Variants in GPATCH2 observed in about 807,000 individuals in gnomAD.
GPATCH2 encodes G-patch domain containing 2, also known as G patch domain-containing protein 2.
Under a neutral mutation model 58.0 loss-of-function variants are expected in GPATCH2, and 51 were observed. That is an observed-to-expected ratio of 0.88 (90% CI 0.70 to 1.11). The LOEUF (loss-of-function observed/expected upper bound fraction) is 1.11, where lower values mean the gene tolerates loss of function less well. GPATCH2 is among the 50% of genes most tolerant of loss of function. The probability of loss-of-function intolerance (pLI) is 0.00; values close to 1 mark genes in which losing one functional copy is unlikely to be tolerated. For synonymous variants in GPATCH2, 222 were observed against 218.5 expected (o/e 1.02, Z -0.14); for missense variants, 625 against 652.2 (o/e 0.96, Z 0.45).
chr1:217,498,827 C>T (rs886482401), intron 6 of GPATCH2: 1 of 239,476 alleles, frequency 4.2e-6, no homozygotes, highest in Non-Finnish European at 8.2e-6. Context: ...AGCTATGCCC[C>T]CAGGAGCAAT....
intron 5 of GPATCH2, among the ~76,000 whole-genome samples, chr1:217,607,955 A>T (rs1280459074): frequency 6.6e-6 from 1 of 152,206 alleles, no homozygotes; most frequent in Non-Finnish European, 1.5e-5. Flanking sequence ...CAGAAAATTA[A>T]TCTCTCTTAA....
intron 7 of GPATCH2, among the ~76,000 whole-genome samples, chr1:217,497,293 T>C (rs1456421791): frequency 6.6e-6 from 1 of 152,168 alleles, no homozygotes; most frequent in Non-Finnish European, 1.5e-5. Flanking sequence ...GAACACATCA[T>C]AGATGTAGCT....
chr1:217,594,131 T>C (rs1015292688), intron 5 of GPATCH2, among the ~76,000 whole-genome samples: 1 of 152,088 alleles, frequency 6.6e-6, no homozygotes, highest in Non-Finnish European at 1.5e-5. Context: ...AAAACTAAAT[T>C]TTAAACTGAA....
At chr1:217,608,861 G>T (rs993518657) in intron 5 of GPATCH2, 10 of 984,458 alleles carry the variant, frequency 1.0e-5, no homozygotes, top group Non-Finnish European at 1.2e-5. Flanking sequence ...GAGACTCAAA[G>T]TTGCATTTTA....
intron 5 of GPATCH2, among the ~76,000 whole-genome samples, chr1:217,555,469 T>G (rs1436005367): frequency 1.3e-5 from 2 of 152,146 alleles, no homozygotes; most frequent in Non-Finnish European, 2.9e-5. Flanking sequence ...CGTTAGGGTA[T>G]GAAGGTTTAG....
At chr1:217,469,020 C>T (rs1369311444) in intron 8 of GPATCH2, among the ~76,000 whole-genome samples, 2 of 152,090 alleles carry the variant, frequency 1.3e-5, no homozygotes, top group Non-Finnish European at 2.9e-5. Context: ...TTTTTCAAGG[C>T]TTCATGAAAG....
At chr1:217,610,274 T>C (rs1452547764) in intron 5 of GPATCH2, 47 bp downstream of exon 5, 2 of 1,487,600 alleles carry the variant, frequency 1.3e-6, no homozygotes, top group African/African-American at 1.4e-5. Context: ...TCCATAGAAA[T>C]GGAAACATTT....
intron 6 of GPATCH2, among the ~76,000 whole-genome samples, chr1:217,503,031 G>C (rs1056056261): frequency 2.0e-5 from 3 of 152,102 alleles, no homozygotes; most frequent in Admixed American, 2.0e-4. Context: ...CTAATCTGCT[G>C]AAGTGTTCCT....
intron 8 of GPATCH2, among the ~76,000 whole-genome samples, chr1:217,490,119 C>T (rs150432823): frequency 1.7e-4 from 26 of 152,206 alleles, no homozygotes; most frequent in African/African-American, 4.8e-4. Context: ...TTTACTTCAT[C>T]TTTGTACATG....
chr1:217,546,106 T>G (rs1319004183), intron 5 of GPATCH2, among the ~76,000 whole-genome samples: 1 of 152,182 alleles, frequency 6.6e-6, no homozygotes, highest in Admixed American at 6.5e-5. Context: ...GAAAGATCTC[T>G]ACAAGGAGAA....
At chr1:217,556,585 A>G (rs963091390) in intron 5 of GPATCH2, among the ~76,000 whole-genome samples, 3 of 152,202 alleles carry the variant, frequency 2.0e-5, no homozygotes, top group South Asian at 2.1e-4. Context: ...GAATGAATAT[A>G]CCACAATTTA....
At chr1:217,500,000 C>G (rs1347504134) in intron 6 of GPATCH2, among the ~76,000 whole-genome samples, 1 of 151,964 alleles carries the variant, frequency 6.6e-6, no homozygotes, top group Non-Finnish European at 1.5e-5. Context: ...AGACTTAGCT[C>G]TTTTTTAACT....
At chr1:217,455,009 T>C (rs1659877423) in intron 8 of GPATCH2, among the ~76,000 whole-genome samples, 1 of 152,164 alleles carries the variant, frequency 6.6e-6, no homozygotes, top group African/African-American at 2.4e-5. Flanking sequence ...AGCAACCCTT[T>C]GCATTTGGTA....
intron 5 of GPATCH2, among the ~76,000 whole-genome samples, chr1:217,520,939 G>T (rs1663420579): frequency 6.6e-6 from 1 of 152,024 alleles, no homozygotes; most frequent in Non-Finnish European, 1.5e-5. Context: ...CAAACTCCTG[G>T]GCTCAAGCAA....
intron 5 of GPATCH2, among the ~76,000 whole-genome samples, chr1:217,600,878 C>T (rs931965489): frequency 6.6e-6 from 1 of 151,986 alleles, no homozygotes; most frequent in South Asian, 2.1e-4. Context: ...CAGTCTAAGA[C>T]GTATTTTTAG....
chr1:217,564,888 A>C (rs1666136374), intron 5 of GPATCH2, among the ~76,000 whole-genome samples: 1 of 152,240 alleles, frequency 6.6e-6, no homozygotes, highest in South Asian at 2.1e-4. Flanking sequence ...ATAGTCTAAA[A>C]AAAATGACTG....
chr1:217,624,908 A>G (rs1292304712), intron 1 of GPATCH2, among the ~76,000 whole-genome samples: 1 of 152,248 alleles, frequency 6.6e-6, no homozygotes, highest in East Asian at 1.9e-4. Context: ...GTTCATCAAT[A>G]GTTTTATTAA....
intron 1 of GPATCH2, among the ~76,000 whole-genome samples, chr1:217,625,015 G>A (rs960736487): frequency 6.6e-6 from 1 of 152,186 alleles, no homozygotes; most frequent in Admixed American, 6.5e-5. Context: ...GGGCAGATGA[G>A]TACTTTGTTT....
intron 5 of GPATCH2, among the ~76,000 whole-genome samples, chr1:217,557,218 C>T (rs970383502): frequency 6.6e-6 from 1 of 151,988 alleles, no homozygotes; most frequent in Non-Finnish European, 1.5e-5. Flanking sequence ...ACCAGCCTGG[C>T]TAACGTGGTG....
Sources: allele counts gnomAD v4.1 joint callset (sites outside exome capture counted in the v4.1 genomes callset), GRCh38; gene constraint gnomAD v4.1.1; transcripts MANE v1.5; gene names NCBI Gene and HGNC (gene_info 2026-07-23, HGNC 2026-07-21).